The following PCDH15 variants were observed in gnomAD, a reference collection of about 807,000 sequenced individuals.
PCDH15 encodes protocadherin related 15, also known as protocadherin-15.
PCDH15 carries 129 observed loss-of-function variants against 178.5 expected under a neutral mutation model. That is an observed-to-expected ratio of 0.72 (90% CI 0.63 to 0.84). The LOEUF (loss-of-function observed/expected upper bound fraction) is 0.84. PCDH15 is among the 40% of genes least tolerant of loss of function. PCDH15 has a pLI of 0.00. For missense variants in PCDH15, 2,230 were observed against 2,099.9 expected (o/e 1.06, Z -1.21); for synonymous variants, 800 against 732.0 (o/e 1.09, Z -1.50).
At chr10:54,571,128 A>T (rs1315112805) in intron 2 of PCDH15, among the ~76,000 whole-genome samples, 1 of 152,090 alleles carries the variant, frequency 6.6e-6, no homozygotes, top group African/African-American at 2.4e-5. Context: ...ATGCACAACG[A>T]TTATAAGAGG....
chr10:55,144,622 G>A (rs1463180124), intron 2 of PCDH15, among the ~76,000 whole-genome samples: 1 of 152,020 alleles, frequency 6.6e-6, no homozygotes, highest in Non-Finnish European at 1.5e-5. Flanking sequence ...TTAAGATTGT[G>A]TAATACTGAC....
At chr10:54,360,690 C>T (rs946759719) in intron 5 of PCDH15, among the ~76,000 whole-genome samples, 8 of 151,978 alleles carry the variant, frequency 5.3e-5, no homozygotes, top group African/African-American at 1.9e-4. Flanking sequence ...AATTTTGATC[C>T]TACATCATCA....
chr10:55,335,011 A>C lies in PCDH15; in HGVS notation c.-155-168360T>G, dbSNP rs115750623. 5.6e-3 allele frequency among the ~76,000 whole-genome samples: 852 copies of C among 152,298 alleles called. 10 individuals are homozygous for C. The highest frequency in any genetic ancestry group is 0.02 in the African/African-American group (813 of 41,566). On this transcript the variant is annotated intron_variant, in intron 2 of 5. Transcript: ENST00000613346. Reference sequence around the variant, plus strand: ...TAACTGACTGAAATAAAGATAATTTATATTTAGGTAGTCAAAACATTTAAA... The same window carrying C: ...TAACTGACTGAAATAAAGATAATTTCTATTTAGGTAGTCAAAACATTTAAA...
intron 8 of PCDH15, among the ~76,000 whole-genome samples, chr10:54,275,331 G>C (rs1366069954): frequency 6.6e-6 from 1 of 151,850 alleles, no homozygotes; most frequent in East Asian, 1.9e-4. Flanking sequence ...TCTTGAGGTA[G>C]AGGCCATATT....
chr10:55,409,597 T>C (rs1378541819), intron 2 of PCDH15, among the ~76,000 whole-genome samples: 2 of 151,920 alleles, frequency 1.3e-5, no homozygotes, highest in African/African-American at 2.4e-5. Context: ...CACCATACCG[T>C]TCAGTGGTTA....
chr10:55,356,910 G>T (rs1845094369), intron 2 of PCDH15, among the ~76,000 whole-genome samples: 1 of 151,842 alleles, frequency 6.6e-6, no homozygotes, highest in Non-Finnish European at 1.5e-5. Context: ...GATTCCCTTT[G>T]TATGTAGATT....
At chr10:53,994,807 G>A (rs1297930165) in intron 21 of PCDH15, 1 of 151,942 alleles carries the variant, frequency 6.6e-6, no homozygotes, top group Non-Finnish European at 1.5e-5. Context: ...ATGTTATGAT[G>A]GCCATTCACT....
chr10:53,999,108 C>T (rs1050587825), intron 20 of PCDH15, among the ~76,000 whole-genome samples: 4 of 148,952 alleles, frequency 2.7e-5, no homozygotes, highest in Non-Finnish European at 6.0e-5. Flanking sequence ...CCTTACCATA[C>T]TAAAGCTAAT....
In PCDH15 at chr10:55,207,015, C is replaced by CTA. The variant is rs537350462; in HGVS notation, c.-155-40366_-155-40365dup. 6.1e-4 allele frequency among the ~76,000 whole-genome samples: 92 copies of CTA among 151,938 alleles called. 2 individuals are homozygous for CTA. The East Asian group carries it at 0.012, about 19-fold the overall frequency. ...TCTTTCTCTTTCTCTTTGTTTCTCTCTATATATATCAGAATACGCATAATA... is the reference window on the plus strand; with the variant it reads ...TCTTTCTCTTTCTCTTTGTTTCTCTCTATATATATATCAGAATACGCATAATA... On this transcript the variant is annotated intron_variant, in intron 1 of 5. Coordinates refer to the PCDH15 transcript ENST00000458638.
intron 2 of PCDH15, among the ~76,000 whole-genome samples, chr10:55,097,658 G>T (rs565138531): frequency 6.6e-6 from 1 of 152,094 alleles, no homozygotes; most frequent in Non-Finnish European, 1.5e-5. Context: ...GCACAATTAA[G>T]GTTTTCTGGA....
chr10:55,062,637 T>A (rs535914010), intron 2 of PCDH15, among the ~76,000 whole-genome samples: 1 of 152,246 alleles, frequency 6.6e-6, no homozygotes, highest in Admixed American at 6.5e-5. Flanking sequence ...GTGAAACTAT[T>A]CTGTATGATG....
intron 18 of PCDH15, among the ~76,000 whole-genome samples, chr10:54,029,295 AT>A (rs1161130311): frequency 5.9e-5 from 9 of 152,224 alleles, no homozygotes; most frequent in Non-Finnish European, 1.3e-4. Flanking sequence ...ATGAAAATAT[AT>A]ATTTTCCTAG....
At chr10:55,485,161 T>G (rs910194885) in intron 2 of PCDH15, among the ~76,000 whole-genome samples, 1 of 151,698 alleles carries the variant, frequency 6.6e-6, no homozygotes, top group African/African-American at 2.4e-5. Flanking sequence ...ATGTTTAGAA[T>G]GTATAAGGAC....
rs528375810 is a variant in PCDH15, at chr10:55,607,018, C to T, written c.-156+20607G>A. On this transcript the variant is annotated intron_variant, in intron 2 of 5. Transcript: ENST00000613346. ...ACTCATCTGACGAAGGGCTAATATCCAGAATCTACAATGAACTCAAACAAA... is the reference window on the plus strand; with the variant it reads ...ACTCATCTGACGAAGGGCTAATATCTAGAATCTACAATGAACTCAAACAAA... Among the ~76,000 whole-genome samples the T allele has an allele frequency of 5.9e-5, 9 of 151,886 alleles. No individual in the cohort carries two copies. In the East Asian group the frequency reaches 1.7e-3, roughly 29 times the overall value.
intron 1 of PCDH15, among the ~76,000 whole-genome samples, chr10:55,198,777 C>A (rs897547391): frequency 1.1e-4 from 17 of 152,076 alleles, no homozygotes; most frequent in African/African-American, 3.9e-4. Flanking sequence ...GCCACCACAC[C>A]CAGCCAAAAG....
At chr10:54,998,349 T>G (rs1291537500) in intron 2 of PCDH15, among the ~76,000 whole-genome samples, 1 of 152,052 alleles carries the variant, frequency 6.6e-6, no homozygotes, top group Non-Finnish European at 1.5e-5. Flanking sequence ...GTAACTAACC[T>G]GCACATTGTG....
intron 3 of PCDH15, among the ~76,000 whole-genome samples, chr10:54,841,773 T>A (rs1010875167): frequency 6.6e-6 from 1 of 151,750 alleles, no homozygotes; most frequent in African/African-American, 2.4e-5. Flanking sequence ...ATAGAAAAAA[T>A]TAACATTTCA....
chr10:53,991,832 AGACCAATCAGCTCTCTGTAAAATG>A (rs894242076), intron 21 of PCDH15, among the ~76,000 whole-genome samples: 38 of 152,132 alleles, frequency 2.5e-4, no homozygotes, highest in Non-Finnish European at 4.0e-4. Context: ...CTGTCAAAAC[AGACCAATCAGCTCTCTGTAAAATG>A]GACCAATCAG....
At chr10:54,473,673 A>C (rs1040200227) in intron 3 of PCDH15, among the ~76,000 whole-genome samples, 4 of 152,050 alleles carry the variant, frequency 2.6e-5, no homozygotes, top group African/African-American at 9.6e-5. Flanking sequence ...AGACACTATA[A>C]AAATAATATA....
Sources: allele counts gnomAD v4.1 joint callset (sites outside exome capture counted in the v4.1 genomes callset), GRCh38; gene constraint gnomAD v4.1.1; transcripts MANE v1.5; gene names NCBI Gene and HGNC (gene_info 2026-07-23, HGNC 2026-07-21).